The following POLR1C variants were observed in gnomAD, a reference collection of about 807,000 sequenced individuals.
The protein encoded by POLR1C is DNA-directed RNA polymerases I and III subunit RPAC1.
Under a neutral mutation model 38.3 loss-of-function variants are expected in POLR1C, and 42 were observed. The observed-to-expected ratio is 1.10, with a 90% CI of 0.86 to 1.42. The LOEUF is 1.42. Ranked by LOEUF, POLR1C falls within the 40% of genes most tolerant of loss-of-function variation. The probability of loss-of-function intolerance (pLI) is 0.00; values close to 1 mark genes in which losing one functional copy is unlikely to be tolerated. For synonymous variants in POLR1C, 163 were observed against 163.9 expected (o/e 0.99, Z 0.04); for missense variants, 507 against 450.5 (o/e 1.13, Z -1.14).
chr6:43,552,884 C>T (rs1330788186), intron 10 of POLR1C, among the ~76,000 whole-genome samples: 2 of 152,078 alleles, frequency 1.3e-5, no homozygotes, highest in Non-Finnish European at 2.9e-5. Flanking sequence ...TGTGGTAGTG[C>T]TTAGAGTTAG....
intron 9 of POLR1C, among the ~76,000 whole-genome samples, chr6:43,538,343 G>A (rs1231328211): frequency 6.6e-6 from 1 of 151,558 alleles, no homozygotes; most frequent in Non-Finnish European, 1.5e-5. Flanking sequence ...TAGAGATGGG[G>A]TTTTGTCATG....
chr6:43,542,879 G>A lies in POLR1C; in HGVS notation c.*5-8089G>A, dbSNP rs940450733. Among the ~76,000 whole-genome samples the A allele has an allele frequency of 1.4e-4, 22 of 152,134 alleles. 1 individual carries two copies. Among genetic ancestry groups the A allele is most frequent in the Non-Finnish European group, 2.9e-5 (2 of 68,012 alleles). On this transcript the variant is annotated intron_variant, in intron 9 of 10. Coordinates refer to the POLR1C transcript ENST00000607635. ...TCTACTCCTATGTGTGTATCCAACA[G>A]AAATTATATATATATGTTCACAAAA...
At chr6:43,520,224 G>T (rs1477382462) in intron 5 of POLR1C, 39 bp downstream of exon 5, 1 of 1,613,884 alleles carries the variant, frequency 6.2e-7, no homozygotes, top group Non-Finnish European at 8.5e-7. Flanking sequence ...CCCACCTGTG[G>T]GTAGCTGCTA....
At chr6:43,553,447 A>G (rs1795349614) in intron 10 of POLR1C, 5 of 1,593,484 alleles carry the variant, frequency 3.1e-6, no homozygotes, top group Non-Finnish European at 4.3e-6. Flanking sequence ...CACTGCACGA[A>G]TGAAGGTGAG....
At position 43,548,642 on chromosome 6, in the gene POLR1C, C is replaced by T. The variant is rs534524643; in HGVS notation, c.*5-2326C>T. Reference sequence around the variant, plus strand: ...GCCTAAATAAGCAAGGCAATTTAGGCGGAAGATAGCTCTTGTCTTGAGTAT... The same window carrying T: ...GCCTAAATAAGCAAGGCAATTTAGGTGGAAGATAGCTCTTGTCTTGAGTAT... On this transcript the variant is annotated intron_variant, in intron 9 of 10. Transcript: ENST00000607635. Among the ~76,000 whole-genome samples, 4 of 151,986 alleles carry T rather than the reference C, an allele frequency of 2.6e-5. No homozygotes were observed. In the South Asian group the frequency reaches 8.3e-4, roughly 32 times the overall value.
chr6:43,560,957 T>C (rs754194962), intron 10 of POLR1C: 12 of 1,613,842 alleles, frequency 7.4e-6, no homozygotes. Flanking sequence ...CAAGAAAAGA[T>C]TCCAGGTATT....
rs1033434466 is a variant in POLR1C, at chr6:43,539,132, A to G, written c.*4+9773A>G. 3.5e-5 allele frequency: 42 copies of G among 1,191,556 alleles called. No homozygotes were observed. The African/African-American group carries it at 5.9e-4, about 17-fold the overall frequency. The allele number at this position is 1,191,556 out of a possible 1,614,324, so 73.8% of individuals were successfully genotyped here. A position where few individuals can be genotyped will look rare whatever the true frequency, so the allele number is the denominator to read the frequency against. On this transcript the variant is annotated intron_variant, in intron 9 of 10. Transcript: ENST00000607635. ...GGGTGCAGGGATGAGGCGCACCAGC[A>G]CAGAGCCACGGCGGCCTGTCACCTT...
chr6:43,524,585 T>C, downstream of POLR1C: 1 of 1,613,940 alleles, frequency 6.2e-7, no homozygotes. Flanking sequence ...AGTCCTTCTG[T>C]ATTTCAGGGA....
intron 9 of POLR1C, among the ~76,000 whole-genome samples, chr6:43,550,348 T>C (rs1262448911): frequency 6.6e-6 from 1 of 152,170 alleles, no homozygotes; most frequent in Non-Finnish European, 1.5e-5. Context: ...CAGACAAGAG[T>C]GTAGTCAAGA....
At chr6:43,535,813 CAAA>C (rs60341205) in intron 9 of POLR1C, among the ~76,000 whole-genome samples, 2 of 71,830 alleles carry the variant, frequency 2.8e-5, no homozygotes. Context: ...GACTCCATCT[CAAA>C]AAAAAAAAAA....
chr6:43,518,878 C>T (rs1051730000), intron 2 of POLR1C, among the ~76,000 whole-genome samples: 4 of 152,174 alleles, frequency 2.6e-5, no homozygotes, highest in African/African-American at 9.7e-5. Flanking sequence ...GACGGGGTTT[C>T]ACCATGCTGG....
downstream of POLR1C, chr6:43,534,116 A>T: frequency 1.3e-6 from 1 of 752,270 alleles, no homozygotes; most frequent in Admixed American, 2.4e-5. Context: ...CTGCCCATCA[A>T]CTCCTGGCAG....
intron 8 of POLR1C, chr6:43,526,978 TGA>T (rs1793638058): frequency 7.7e-6 from 4 of 521,002 alleles, no homozygotes; most frequent in African/African-American, 3.8e-5. Flanking sequence ...CAGAATTCTC[TGA>T]GAGTGAGTGA....
At chr6:43,540,589 G>A (rs975035191) in intron 9 of POLR1C, among the ~76,000 whole-genome samples, 1 of 152,208 alleles carries the variant, frequency 6.6e-6, no homozygotes, top group African/African-American at 2.4e-5. Flanking sequence ...GGAGGTAGAG[G>A]TTGAAGTGAG....
chr6:43,555,877 T>G, intron 10 of POLR1C: 1 of 1,613,990 alleles, frequency 6.2e-7, no homozygotes, highest in Non-Finnish European at 8.5e-7. Flanking sequence ...TAGTTGATAC[T>G]TTAGCCACTC....
chr6:43,543,921 T>C (rs2127724290), intron 9 of POLR1C, among the ~76,000 whole-genome samples: 1 of 152,284 alleles, frequency 6.6e-6, no homozygotes, highest in African/African-American at 2.4e-5. Flanking sequence ...AAGTGATCCA[T>C]GCGCCTTGGC....
chr6:43,561,151 G>A, intron 10 of POLR1C: 2 of 662,050 alleles, frequency 3.0e-6, no homozygotes, highest in Non-Finnish European at 5.2e-6. Context: ...GCTAAAGAAA[G>A]GCATCACTTC....
chr6:43,531,599 A>C, downstream of POLR1C: 1 of 1,590,642 alleles, frequency 6.3e-7, no homozygotes, highest in Non-Finnish European at 8.6e-7. Context: ...CGGGTCAAGA[A>C]CATGATGCTC....
At chr6:43,517,856 A>G (rs1198508521) in intron 2 of POLR1C, among the ~76,000 whole-genome samples, 1 of 152,156 alleles carries the variant, frequency 6.6e-6, no homozygotes, top group Non-Finnish European at 1.5e-5. Flanking sequence ...CTTAGCTTAA[A>G]ATAAGGGTTA....
Sources: allele counts gnomAD v4.1 joint callset (sites outside exome capture counted in the v4.1 genomes callset), GRCh38; gene constraint gnomAD v4.1.1; transcripts MANE v1.5; gene names NCBI Gene and HGNC (gene_info 2026-07-23, HGNC 2026-07-21).